The following LSAMP variants were observed in gnomAD, a reference collection of about 807,000 sequenced individuals.
LSAMP encodes limbic system-associated membrane protein.
In LSAMP, 7 loss-of-function variants were observed where a neutral mutation model predicts 38.6. The observed-to-expected ratio is 0.18, with a 90% CI of 0.10 to 0.34. The LOEUF is 0.34. Among genes scored for constraint, LSAMP ranks in the 10% least tolerant of loss-of-function variants. The probability of loss-of-function intolerance (pLI) is 1.00; values close to 1 mark genes in which losing one functional copy is unlikely to be tolerated. For missense variants in LSAMP, 313 were observed against 420.0 expected, an observed-to-expected ratio of 0.75 and a Z score of 2.23; for synonymous variants, 154 against 166.8, an observed-to-expected ratio of 0.92 and a Z score of 0.59.
intron 2 of LSAMP, among the ~76,000 whole-genome samples, chr3:116,069,418 G>C (rs1049917838): frequency 2.0e-5 from 3 of 152,198 alleles, no homozygotes; most frequent in African/African-American, 7.2e-5. Flanking sequence ...GTATGAGCAG[G>C]CTATCACTAT....
chr3:115,915,503 T>C (rs529888501), intron 3 of LSAMP, among the ~76,000 whole-genome samples: 8 of 152,212 alleles, frequency 5.3e-5, no homozygotes, highest in Admixed American at 1.3e-4. Flanking sequence ...AGTTAAAGGC[T>C]GGAATGATTT....
At chr3:115,992,951 G>A (rs1939712705) in intron 3 of LSAMP, among the ~76,000 whole-genome samples, 1 of 151,988 alleles carries the variant, frequency 6.6e-6, no homozygotes, top group Admixed American at 6.6e-5. Flanking sequence ...TCTTTACCTA[G>A]CTGATACTGG....
intron 1 of LSAMP, among the ~76,000 whole-genome samples, chr3:116,208,779 T>C (rs1380020686): frequency 6.6e-6 from 1 of 152,188 alleles, no homozygotes; most frequent in Non-Finnish European, 1.5e-5. Flanking sequence ...AGCTGCGTGC[T>C]GGGAGAACCA....
intron 1 of LSAMP, among the ~76,000 whole-genome samples, chr3:116,421,667 T>C (rs2049129274): frequency 6.6e-6 from 1 of 151,994 alleles, no homozygotes; most frequent in African/African-American, 2.4e-5. Flanking sequence ...GAATGGCTGA[T>C]AAGTACAAGA....
intron 3 of LSAMP, among the ~76,000 whole-genome samples, chr3:115,958,138 G>A (rs1281666604): frequency 1.3e-5 from 2 of 152,086 alleles, no homozygotes; most frequent in Admixed American, 1.3e-4. Context: ...ATTTTAGGAA[G>A]GACTTGAGGT....
chr3:116,244,695 C>T (rs2046582183), intron 1 of LSAMP, among the ~76,000 whole-genome samples: 1 of 152,126 alleles, frequency 6.6e-6, no homozygotes, highest in Non-Finnish European at 1.5e-5. Flanking sequence ...GTTCTGTCCC[C>T]TCCTTATTAG....
intron 1 of LSAMP, among the ~76,000 whole-genome samples, chr3:116,121,679 C>T (rs1708879171): frequency 6.6e-6 from 1 of 151,980 alleles, no homozygotes; most frequent in Non-Finnish European, 1.5e-5. Flanking sequence ...TTAGAGATGA[C>T]AAAATTGGAG....
chr3:116,394,642 A>G (rs1440166997), intron 1 of LSAMP, among the ~76,000 whole-genome samples: 2 of 152,150 alleles, frequency 1.3e-5, no homozygotes, highest in African/African-American at 4.8e-5. Flanking sequence ...ACGCAGAAAG[A>G]AAAACCACAC....
chr3:115,899,265 G>A (rs887706035), intron 3 of LSAMP, among the ~76,000 whole-genome samples: 2 of 151,992 alleles, frequency 1.3e-5, no homozygotes, highest in African/African-American at 2.4e-5. Flanking sequence ...CAAAGCATGT[G>A]TCTCTGTGGC....
intron 2 of LSAMP, among the ~76,000 whole-genome samples, chr3:116,084,725 T>A (rs1295706747): frequency 6.6e-6 from 1 of 152,154 alleles, no homozygotes; most frequent in African/African-American, 2.4e-5. Context: ...ATAAAGCTAC[T>A]AAAATTGTGT....
chr3:116,415,494 A>G (rs2049038087), intron 1 of LSAMP, among the ~76,000 whole-genome samples: 1 of 152,112 alleles, frequency 6.6e-6, no homozygotes, highest in African/African-American at 2.4e-5. Context: ...ACATTCCTTG[A>G]TGCTTTTCAA....
chr3:115,820,636 C>T (rs1934200472), intron 6 of LSAMP, among the ~76,000 whole-genome samples: 1 of 152,226 alleles, frequency 6.6e-6, no homozygotes, highest in South Asian at 2.1e-4. Flanking sequence ...CTCTTATTGG[C>T]ATAGACAATA....
chr3:116,422,106 G>T (rs768398749), intron 1 of LSAMP, among the ~76,000 whole-genome samples: 55 of 152,180 alleles, frequency 3.6e-4, no homozygotes, highest in Non-Finnish European at 6.9e-4. Flanking sequence ...TTAAAAGGGA[G>T]CAAACTATTA....
intron 3 of LSAMP, among the ~76,000 whole-genome samples, chr3:115,971,343 T>C (rs183011362): frequency 5.4e-4 from 82 of 152,318 alleles, no homozygotes; most frequent in Non-Finnish European, 1.0e-3. Flanking sequence ...ATGACTATAC[T>C]GGCAAGTAAA....
At chr3:116,037,510 C>T (rs897566188) in intron 2 of LSAMP, among the ~76,000 whole-genome samples, 1 of 152,076 alleles carries the variant, frequency 6.6e-6, no homozygotes, top group African/African-American at 2.4e-5. Flanking sequence ...ATAGTTCAGT[C>T]TCTTTATCTC....
At position 116,223,283 on chromosome 3, in the gene LSAMP, G is replaced by T. The variant is rs565823426; in HGVS notation, c.156-136727C>A. 3.3e-4 allele frequency among the ~76,000 whole-genome samples: 51 copies of T among 152,248 alleles called. 1 individual carries two copies. In the South Asian group the frequency reaches 0.011, roughly 32 times the overall value. On this transcript the variant is annotated intron_variant, in intron 1 of 6. Coordinates refer to ENST00000490035, the MANE Select transcript of LSAMP (RefSeq NM_002338.5). Reference sequence around the variant, plus strand: ...CAGAATGACATTTCTAGAAATACTAGCTAAGAAAAGACAAAAGTAATTGTA... The same window carrying T: ...CAGAATGACATTTCTAGAAATACTATCTAAGAAAAGACAAAAGTAATTGTA...
chr3:115,993,111 C>T (rs922268650), intron 3 of LSAMP, among the ~76,000 whole-genome samples: 4 of 152,102 alleles, frequency 2.6e-5, no homozygotes, highest in African/African-American at 9.7e-5. Context: ...ACATACTCTA[C>T]ATGGTTAGTA....
At chr3:116,367,251 A>G (rs1005912861) in intron 1 of LSAMP, among the ~76,000 whole-genome samples, 5 of 152,160 alleles carry the variant, frequency 3.3e-5, no homozygotes, top group African/African-American at 4.8e-5. Context: ...TCAGTGTTCT[A>G]TTGCTGAAAC....
chr3:116,283,429 G>GAGAT (rs1346344837), intron 1 of LSAMP, among the ~76,000 whole-genome samples: 4 of 152,132 alleles, frequency 2.6e-5, no homozygotes, highest in Non-Finnish European at 2.9e-5. Context: ...ACTTTAGCAT[G>GAGAT]AGATAGAGGA....
Sources: gnomAD v4.1 joint callset for allele counts (sites outside exome capture counted in the v4.1 genomes callset) on GRCh38, gnomAD v4.1.1 for gene constraint, MANE v1.5 for transcripts, NCBI Gene and HGNC (gene_info 2026-07-23, HGNC 2026-07-21) for gene names.